The following DDX60 variants were observed in gnomAD, a reference collection of about 807,000 sequenced individuals.
DDX60 encodes DExD/H-box helicase 60.
DDX60 carries 165 observed loss-of-function variants against 212.8 expected under a neutral mutation model. The observed-to-expected ratio is 0.78, with a 90% CI of 0.68 to 0.88. The LOEUF is 0.88. Among genes scored for constraint, DDX60 ranks in the 40% least tolerant of loss-of-function variants. The pLI is 0.00. For synonymous variants in DDX60, 703 were observed against 685.3 expected (o/e 1.03, Z -0.40); for missense variants, 1,905 against 2,003.9 (o/e 0.95, Z 0.94).
chr4:168,271,594 C>A (rs1735099605), intron 19 of DDX60, among the ~76,000 whole-genome samples: 2 of 152,188 alleles, frequency 1.3e-5, no homozygotes, highest in South Asian at 4.1e-4. Flanking sequence ...CTCACATACA[C>A]CTTTGAAAAA....
At chr4:168,308,872 T>A (rs1380588988) in intron 3 of DDX60, among the ~76,000 whole-genome samples, 3 of 151,752 alleles carry the variant, frequency 2.0e-5, no homozygotes, top group Non-Finnish European at 2.9e-5. Context: ...ATGAAAAAAA[T>A]TTTAAGTTAC....
chr4:168,296,723 GA>G (rs921692600), intron 6 of DDX60, among the ~76,000 whole-genome samples: 35 of 151,558 alleles, frequency 2.3e-4, no homozygotes, highest in African/African-American at 6.1e-4. Context: ...ATAATAGCAG[GA>G]AAAAAAATTC....
At chr4:168,248,492 A>C (rs146981130) in intron 28 of DDX60, among the ~76,000 whole-genome samples, 200 bp from the exon 29 acceptor site, 1 of 152,212 alleles carries the variant, frequency 6.6e-6, no homozygotes, top group South Asian at 2.1e-4. Flanking sequence ...TGCTTTGCAC[A>C]GAATATTCTT....
chr4:168,299,937 TC>T (rs1255302233), intron 6 of DDX60, among the ~76,000 whole-genome samples: 2 of 152,204 alleles, frequency 1.3e-5, no homozygotes, highest in East Asian at 1.9e-4. Flanking sequence ...GACATTCTAA[TC>T]TTTTTTATGA....
chr4:168,267,815 G>T (rs112540060), intron 21 of DDX60, 26 bp downstream of exon 21: 2 of 1,579,790 alleles, frequency 1.3e-6, no homozygotes. Context: ...TAAAAGGCAA[G>T]CTTTATATAA....
intron 13 of DDX60, among the ~76,000 whole-genome samples, chr4:168,282,406 C>T (rs1481791223): frequency 1.3e-5 from 2 of 152,026 alleles, no homozygotes; most frequent in African/African-American, 4.8e-5. Context: ...TGCACATTTT[C>T]CTGATCTTGC....
intron 19 of DDX60, among the ~76,000 whole-genome samples, chr4:168,269,557 C>T (rs1165488633): frequency 2.0e-5 from 3 of 151,786 alleles, no homozygotes; most frequent in South Asian, 2.1e-4. Flanking sequence ...GCTGAGATCG[C>T]GCCACTGGGT....
At chr4:168,222,301 G>A (rs1733089342) in intron 35 of DDX60, among the ~76,000 whole-genome samples, 1 of 152,048 alleles carries the variant, frequency 6.6e-6, no homozygotes, top group South Asian at 2.1e-4. Flanking sequence ...CCAATTACCT[G>A]AATAAAAAGG....
intron 30 of DDX60, among the ~76,000 whole-genome samples, chr4:168,238,518 G>C (rs1238300345): frequency 6.6e-6 from 1 of 151,706 alleles, no homozygotes; most frequent in Non-Finnish European, 1.5e-5. Flanking sequence ...GAGAGAAAAG[G>C]AAGAAGAGAG....
intron 25 of DDX60, among the ~76,000 whole-genome samples, chr4:168,260,648 A>C (rs141883193): frequency 1.3e-5 from 2 of 152,238 alleles, no homozygotes; most frequent in African/African-American, 4.8e-5. Flanking sequence ...TAGATCTCTC[A>C]CATGTGCAGT....
intron 20 of DDX60, 97 bp downstream of exon 20, chr4:168,268,757 G>C (rs1734959058): frequency 1.5e-6 from 1 of 654,582 alleles, no homozygotes; most frequent in Non-Finnish European, 2.4e-6. Flanking sequence ...AAATTCACTA[G>C]AAAATTATGA....
intron 25 of DDX60, among the ~76,000 whole-genome samples, chr4:168,259,138 A>C (rs1734526472): frequency 6.6e-6 from 1 of 152,204 alleles, no homozygotes; most frequent in African/African-American, 2.4e-5. Flanking sequence ...ATACATGTGC[A>C]TGCTTTTCTA....
In DDX60 at chr4:168,284,915, G is replaced by A; in HGVS notation, c.1466C>T (p.Ser489Leu). Residue 489 changes from serine to leucine, a missense_variant, in exon 12 of 38, where the codon TCA becomes TTA. By Grantham distance (145) the Ser-to-Leu change is moderately radical (BLOSUM62 -2). Coordinates refer to ENST00000393743, the MANE Select transcript of DDX60 (RefSeq NM_017631.6). Reference sequence around the variant, plus strand: ...ATCAAATTCCTTTTGTTTAACCAGTGAAGTAACAATAGGATCATCACTGTG... The same window carrying A: ...ATCAAATTCCTTTTGTTTAACCAGTAAAGTAACAATAGGATCATCACTGTG... ...FLKSDDPIVT[S>L]LVKQKEFDEL... The A allele has an allele frequency of 6.3e-7, 1 of 1,590,790 alleles. No individual in the cohort carries two copies. Among genetic ancestry groups the A allele is most frequent in the Non-Finnish European group, 8.6e-7 (1 of 1,164,744 alleles).
intron 6 of DDX60, among the ~76,000 whole-genome samples, chr4:168,297,386 A>G (rs201572221): frequency 2.1e-4 from 24 of 115,444 alleles, no homozygotes; most frequent in South Asian, 8.6e-4. Flanking sequence ...AAGAAAGAGA[A>G]AGAAAGAAAG....
Position 168,306,455 on chromosome 4 carries a change from C to T in DDX60, c.530G>A (p.Gly177Glu), listed in dbSNP as rs1306017675. Residue 177 changes from glycine to glutamate, a missense_variant, in exon 5 of 38, where the codon GGG (glycine) becomes GAG (glutamate). Gly to Glu is a moderately conservative substitution (Grantham distance 98). Coordinates refer to ENST00000393743, the MANE Select transcript of DDX60 (RefSeq NM_017631.6). ...AAGGCAAAGAACATCAGATTCTTGC[C>T]CTGAGGAAAGTACAACGTTGACCTT... ...ARKVNVVLSSGQESDVLCLYA... is the reference protein window; with the variant it reads ...ARKVNVVLSSEQESDVLCLYA... 1 of 1,613,956 alleles carries T rather than the reference C, an allele frequency of 6.2e-7. No individual in the cohort carries two copies. Among genetic ancestry groups the T allele is most frequent in the Non-Finnish European group, 8.5e-7 (1 of 1,179,992 alleles).
chr4:168,267,162 T>C (rs914818688), intron 22 of DDX60, among the ~76,000 whole-genome samples: 2 of 152,188 alleles, frequency 1.3e-5, no homozygotes, highest in African/African-American at 4.8e-5. Context: ...CATGTCGTGA[T>C]TGCTACATTA....
Position 168,220,662 on chromosome 4 carries a change from A to G in DDX60, c.5032T>C (p.Ser1678Pro). Residue 1678 changes from serine to proline, a missense_variant, in exon 37 of 38, where the codon TCT becomes CCT. Physicochemically the swap from Ser to Pro is moderately conservative, Grantham distance 74 (BLOSUM62 -1). Transcript: ENST00000393743. ...LLKDFALTIK[S>P]ISVSLRELCE... ...TTTAAATATATAACACACCTGATAG[A>G]TTTAATGGTGAGTGCAAAATCCTTC... is the stretch of plus-strand genomic sequence containing the variant. 6.9e-7 allele frequency: 1 copy of G among 1,451,050 alleles called. No homozygotes were observed. The highest frequency in any genetic ancestry group is 2.5e-5 in the East Asian group (1 of 39,472). The allele number at this position is 1,451,050 out of a possible 1,614,324, so 89.9% of individuals were successfully genotyped here. A position where few individuals can be genotyped will look rare whatever the true frequency, so the allele number is the denominator to read the frequency against.
At chr4:168,243,904 C>A (rs1733935588) in intron 30 of DDX60, among the ~76,000 whole-genome samples, 2 of 150,842 alleles carry the variant, frequency 1.3e-5, no homozygotes, top group Admixed American at 6.6e-5. Context: ...TACATATACA[C>A]CATGGAATAC....
chr4:168,250,829 T>A (rs1008323062), intron 28 of DDX60, 125 bp downstream of exon 28: 5 of 836,460 alleles, frequency 6.0e-6, no homozygotes, highest in Non-Finnish European at 9.1e-6. Flanking sequence ...CCGGCCAACT[T>A]ATTTTTTTAA....
Sources: gnomAD v4.1 joint callset for allele counts (sites outside exome capture counted in the v4.1 genomes callset) on GRCh38, gnomAD v4.1.1 for gene constraint, MANE v1.5 for transcripts, NCBI Gene and HGNC (gene_info 2026-07-23, HGNC 2026-07-21) for gene names.